DRAM2: variants seen among roughly 807,000 people sequenced by gnomAD.
DRAM2 encodes the protein DNA damage regulated autophagy modulator 2.
A neutral mutation model predicts 33.5 loss-of-function variants in DRAM2; 26 were observed. The observed-to-expected ratio is 0.78, with a 90% CI of 0.57 to 1.08. The LOEUF is 1.08. DRAM2 is among the 50% of genes least tolerant of loss of function. The probability of loss-of-function intolerance (pLI) is 0.00; values close to 1 mark genes in which losing one functional copy is unlikely to be tolerated. For synonymous variants in DRAM2, 98 were observed against 109.5 expected (o/e 0.89, Z 0.66); for missense variants, 311 against 318.1 (o/e 0.98, Z 0.17).
At chr1:111,120,223 C>G (rs1185058966) in intron 7 of DRAM2, among the ~76,000 whole-genome samples, 1 of 151,560 alleles carries the variant, frequency 6.6e-6, no homozygotes, top group Non-Finnish European at 1.5e-5. Flanking sequence ...GATAATGGTT[C>G]TCAGAAAGGG....
chr1:111,131,697 C>T, intron 3 of DRAM2, 129 bp from the exon 4 acceptor site: 2 of 806,568 alleles, frequency 2.5e-6, no homozygotes, highest in Non-Finnish European at 1.9e-6. Flanking sequence ...TCCCTCATGC[C>T]ATACCCCAAT....
chr1:111,130,454 C>A lies in DRAM2; in HGVS notation c.131+970G>T, dbSNP rs975969183. On this transcript the variant is annotated intron_variant, in intron 4 of 9. Transcript: ENST00000484310. ...GGCACAGTGGCTCACGCCTGTAATT[C>A]CAGCACTTTGGGAGGCCAAGGCGGG... Among the ~76,000 whole-genome samples the A allele has an allele frequency of 9.9e-5, 15 of 152,256 alleles. 1 individual carries two copies. Among genetic ancestry groups the A allele is most frequent in the African/African-American group, 3.1e-4 (13 of 41,542 alleles).
rs1020093015 is a variant in DRAM2, at chr1:111,140,081, A to G, written c.-288T>C. The stretch of plus-strand genomic sequence containing the variant: ...GCTGGCCGCTGGCGCCGAAGCCCCT[A>G]TGCTAAAAGGAGACAGGGCTGGGCC... On this transcript the variant is annotated 5_prime_UTR_variant, in exon 1 of 10. Transcript: ENST00000484310. 4 of 152,454 alleles carry G rather than the reference A, an allele frequency of 2.6e-5. No homozygotes were observed. Among genetic ancestry groups the G allele is most frequent in the South Asian group, 2.1e-4 (1 of 4,840 alleles). 9.4% of individuals were successfully genotyped at this position (152,454 alleles called of 1,614,324 possible).
At position 111,124,723 on chromosome 1, in the gene DRAM2, G is replaced by A; in HGVS notation, c.339+19C>T. 1 of 1,612,500 alleles carries A rather than the reference G, an allele frequency of 6.2e-7. No individual in the cohort carries two copies. The highest frequency in any genetic ancestry group is 8.5e-7 in the Non-Finnish European group (1 of 1,179,232). On this transcript the variant is annotated intron_variant, in intron 6 of 9. Coordinates refer to ENST00000484310, the MANE Select transcript of DRAM2 (RefSeq NM_001349884.2). ...TTATGTACTTAAGGAAAATACCTAT[G>A]CTGGGCTAAAACACAAACCTGGAAG...
chr1:111,120,445 C>T, intron 7 of DRAM2, 71 bp downstream of exon 7: 1 of 471,568 alleles, frequency 2.1e-6, no homozygotes, highest in South Asian at 3.1e-5. Flanking sequence ...TATACTGCAC[C>T]AATAGTGTTT....
chr1:111,118,322 T>G, intron 9 of DRAM2, 55 bp from the exon 10 acceptor site: 2 of 1,181,860 alleles, frequency 1.7e-6, no homozygotes, highest in Non-Finnish European at 2.5e-6. Flanking sequence ...GAGAGATCAC[T>G]CCTTCAATAT....
At chr1:111,135,763 A>C (rs746592151) in intron 3 of DRAM2, among the ~76,000 whole-genome samples, 1 of 152,236 alleles carries the variant, frequency 6.6e-6, no homozygotes, top group Admixed American at 6.5e-5. Context: ...TTGTCTCTAC[A>C]GTATGAAAAT....
intron 2 of DRAM2, among the ~76,000 whole-genome samples, chr1:111,137,880 TATAG>T (rs1653570934): frequency 6.6e-6 from 1 of 152,224 alleles, no homozygotes; most frequent in Admixed American, 6.5e-5. Flanking sequence ...CGTCTTCTCC[TATAG>T]AGAGACATGA....
At chr1:111,123,291 C>T (rs1306500658) in intron 6 of DRAM2, among the ~76,000 whole-genome samples, 1 of 152,064 alleles carries the variant, frequency 6.6e-6, no homozygotes, top group Non-Finnish European at 1.5e-5. Flanking sequence ...TTTTTTCTGA[C>T]CTGTGCACAC....
At chr1:111,125,004 G>T in intron 5 of DRAM2, 123 bp from the exon 6 acceptor site, 1 of 844,804 alleles carries the variant, frequency 1.2e-6, no homozygotes, top group South Asian at 2.1e-5. Flanking sequence ...AAATTAATCA[G>T]AGAGAATAAA....
chr1:111,120,442 C>T, intron 7 of DRAM2, 74 bp downstream of exon 7: 3 of 482,008 alleles, frequency 6.2e-6, no homozygotes, highest in Non-Finnish European at 9.7e-6. Context: ...TCTTATACTG[C>T]ACCAATAGTG....
chr1:111,132,620 A>T (rs955646593), intron 3 of DRAM2, among the ~76,000 whole-genome samples: 9 of 151,958 alleles, frequency 5.9e-5, no homozygotes, highest in African/African-American at 2.2e-4. Context: ...ATGATCAGAG[A>T]AGTATTGTGT....
intron 3 of DRAM2, among the ~76,000 whole-genome samples, chr1:111,137,251 C>CAAAAA (rs71580572): frequency 1.0e-4 from 7 of 68,646 alleles, no homozygotes; most frequent in Admixed American, 3.2e-4. Context: ...GATTCCATCT[C>CAAAAA]AAAAAAAAAA....
At chr1:111,119,618 T>C in intron 8 of DRAM2, 1 of 443,270 alleles carries the variant, frequency 2.3e-6, no homozygotes, top group Non-Finnish European at 4.1e-6. Flanking sequence ...TACCCACATT[T>C]AGGGGAGTCA....
At chr1:111,137,750 T>C (rs973588396) in intron 2 of DRAM2, among the ~76,000 whole-genome samples, 164 bp from the exon 3 acceptor site, 10 of 151,678 alleles carry the variant, frequency 6.6e-5, no homozygotes, top group African/African-American at 2.2e-4. Flanking sequence ...TTGAGTTTTT[T>C]ACAATGATGT....
At chr1:111,118,704 A>T (rs1649393377) in intron 9 of DRAM2, 101 bp downstream of exon 9, 1 of 769,428 alleles carries the variant, frequency 1.3e-6, no homozygotes, top group Non-Finnish European at 2.0e-6. Flanking sequence ...GTTAATTTTC[A>T]AAAAGGCGGG....
intron 6 of DRAM2, 134 bp from the exon 7 acceptor site, chr1:111,120,827 A>T (rs1164088673): frequency 1.5e-6 from 1 of 668,732 alleles, no homozygotes. Flanking sequence ...TTCTACAAAC[A>T]AATTACTTTC....
intron 4 of DRAM2, among the ~76,000 whole-genome samples, chr1:111,129,579 A>G (rs1266284392): frequency 6.6e-6 from 1 of 152,222 alleles, no homozygotes; most frequent in East Asian, 1.9e-4. Flanking sequence ...AACTGATGCA[A>G]CAATTCTAAA....
intron 4 of DRAM2, among the ~76,000 whole-genome samples, chr1:111,130,040 A>G (rs1389317353): frequency 6.8e-6 from 1 of 146,848 alleles, no homozygotes; most frequent in Non-Finnish European, 1.5e-5. Context: ...GCAATTTTAA[A>G]AAAAGAGGGT....
Sources: allele counts gnomAD v4.1 joint callset (sites outside exome capture counted in the v4.1 genomes callset), GRCh38; gene constraint gnomAD v4.1.1; transcripts MANE v1.5; gene names NCBI Gene and HGNC (gene_info 2026-07-23, HGNC 2026-07-21).